The following CCNB3 variants were observed in gnomAD, a reference collection of about 807,000 sequenced individuals.
CCNB3 encodes G2/mitotic-specific cyclin-B3.
Under a neutral mutation model 68.0 loss-of-function variants are expected in CCNB3, and 12 were observed. The observed-to-expected ratio is 0.18, with a 90% CI of 0.11 to 0.29. CCNB3 has a LOEUF of 0.29. Among genes scored for constraint, CCNB3 ranks in the 10% least tolerant of loss-of-function variants. The pLI is 1.00. For synonymous variants in CCNB3, 354 were observed against 388.9 expected (o/e 0.91, Z 1.06); for missense variants, 904 against 993.1 (o/e 0.91, Z 1.21).
Position 50,309,836 on chromosome X carries a change from T to G in CCNB3, c.1667T>G (p.Ile556Ser), listed in dbSNP as rs1921312335. The G allele has an allele frequency of 2.5e-6, 3 of 1,209,968 alleles. No homozygotes were observed. In the African/African-American group the frequency reaches 5.2e-5, roughly 21 times the overall value. ...GAACTGTTGGACTTTCAGGATATGA[T>G]TGGTGAAGATAAGAATTCTTTCTTT... ...CPELLDFQDM[I>S]GEDKNSFFME... The change falls in exon 6 of 13, where the codon ATT (isoleucine) becomes AGT (serine). Residue 556 changes from isoleucine to serine, a missense_variant. By Grantham distance (142) the Ile-to-Ser change is moderately radical. Coordinates refer to ENST00000376042, the MANE Select transcript of CCNB3 (RefSeq NM_033031.3).
intron 8 of CCNB3, among the ~76,000 whole-genome samples, chrX:50,317,811 CCG>C (rs1420197363): frequency 5.4e-5 from 6 of 110,729 alleles, no homozygotes; most frequent in Non-Finnish European, 1.9e-5. Flanking sequence ...CTCAGGTGAT[CCG>C]CCTGCCTCAG....
intron 1 of CCNB3, among the ~76,000 whole-genome samples, chrX:50,226,264 A>ATATAGAATATATATATTTATATC (rs1935784329): frequency 1.5e-5 from 1 of 67,533 alleles, no homozygotes; most frequent in Non-Finnish European, 2.4e-5. Context: ...ATATTTATAT[A>ATATAGAATATATATATTTATATC]TATAGAATAT....
chrX:50,306,587 C>T (rs1187898043), intron 5 of CCNB3, among the ~76,000 whole-genome samples: 3 of 111,636 alleles, frequency 2.7e-5, no homozygotes, highest in African/African-American at 9.8e-5. Flanking sequence ...CCATCAAGTA[C>T]GATGTTTGCT....
chrX:50,308,905 G>A lies in CCNB3; in HGVS notation c.736G>A (p.Glu246Lys). 2 of 1,211,581 alleles carry A rather than the reference G, an allele frequency of 1.7e-6. No homozygotes were observed. The highest frequency in any genetic ancestry group is 3.5e-5 in the African/African-American group (2 of 57,799). The change falls in exon 6 of 13, where the codon GAA (glutamate) becomes AAA (lysine). Residue 246 changes from glutamate (E) to lysine (K), a missense_variant. Glu to Lys is a moderately conservative substitution (Grantham distance 56). Transcript: ENST00000376042. ...CASQRKQSCQ[E>K]ESLAVQDVNM... The stretch of plus-strand genomic sequence containing the variant: ...AAGTCAGCGGAAGCAGTCCTGCCAG[G>A]AAGAGTCGTTGGCTGTGCAGGATGT...
intron 5 of CCNB3, among the ~76,000 whole-genome samples, chrX:50,306,452 C>A (rs1439906852): frequency 9.0e-6 from 1 of 111,629 alleles, no homozygotes; most frequent in African/African-American, 3.3e-5. Context: ...AACTGGATGA[C>A]TTTTATTTAG....
intron 1 of CCNB3, among the ~76,000 whole-genome samples, chrX:50,205,890 G>T (rs1402218406): frequency 9.1e-6 from 1 of 109,490 alleles, no homozygotes; most frequent in Non-Finnish European, 1.9e-5. Flanking sequence ...AGAGGTTGTA[G>T]TGAGACGAGA....
chrX:50,343,432 G>A (rs1275668032), intron 9 of CCNB3, among the ~76,000 whole-genome samples: 1 of 111,955 alleles, frequency 8.9e-6, no homozygotes, highest in Non-Finnish European at 1.9e-5. Context: ...GCCGGGCATG[G>A]TATTTCAATG....
chrX:50,226,587 AATAT>A (rs1162411555), intron 1 of CCNB3, among the ~76,000 whole-genome samples: 1 of 63,211 alleles, frequency 1.6e-5, no homozygotes, highest in Non-Finnish European at 2.7e-5. Context: ...AATACATACA[AATAT>A]ATATATAGAA....
At chrX:50,305,648 A>G (rs975335938) in intron 5 of CCNB3, among the ~76,000 whole-genome samples, 1 of 110,427 alleles carries the variant, frequency 9.1e-6, no homozygotes, top group Admixed American at 9.7e-5. Flanking sequence ...TAAAACTTAA[A>G]GTATATTAAA....
At chrX:50,347,891 A>G (rs1010838521) in intron 11 of CCNB3, 116 bp downstream of exon 11, 23 of 713,754 alleles carry the variant, frequency 3.2e-5, no homozygotes, top group Non-Finnish European at 4.2e-5. Context: ...ACTGACACAT[A>G]TTCACCACTG....
intron 1 of CCNB3, among the ~76,000 whole-genome samples, chrX:50,216,018 G>A (rs1197294401): frequency 5.4e-5 from 5 of 92,204 alleles, no homozygotes; most frequent in African/African-American, 2.1e-4. Context: ...GTGCGGTCTC[G>A]GCTCACTGCA....
chrX:50,296,480 A>G lies in CCNB3; in HGVS notation c.335+1487A>G, dbSNP rs1173375014. Reference sequence around the variant, plus strand: ...AACTCATCATTTTTTATGGCTGCATAGTATTCCATGGTGTATATGTGCCAC... The same window carrying G: ...AACTCATCATTTTTTATGGCTGCATGGTATTCCATGGTGTATATGTGCCAC... On this transcript the variant is annotated intron_variant, in intron 5 of 12. Coordinates refer to ENST00000376042, the MANE Select transcript of CCNB3 (RefSeq NM_033031.3). Among the ~76,000 whole-genome samples the G allele has an allele frequency of 1.3e-3, 60 of 47,504 alleles. 1 individual carries two copies. The highest frequency in any genetic ancestry group is 3.9e-3 in the Admixed American group (13 of 3,346). 41.3% of individuals were successfully genotyped at this position (47,504 alleles called of 115,157 possible).
At chrX:50,226,872 GAATA>G (rs1935845509) in intron 1 of CCNB3, among the ~76,000 whole-genome samples, 1 of 70,776 alleles carries the variant, frequency 1.4e-5, no homozygotes, top group African/African-American at 5.9e-5. Context: ...AGAATATATA[GAATA>G]TATATAGAAT....
At chrX:50,311,890 C>A (rs1464438285) in intron 6 of CCNB3, among the ~76,000 whole-genome samples, 1 of 110,435 alleles carries the variant, frequency 9.1e-6, no homozygotes. Context: ...GTATTTATTC[C>A]AGTAATACCC....
chrX:50,286,614 T>A (rs1045474470), intron 3 of CCNB3, among the ~76,000 whole-genome samples: 1 of 78,529 alleles, frequency 1.3e-5, no homozygotes, highest in East Asian at 5.1e-4. Context: ...CTCAGTTCGG[T>A]TTTTTTTTTT....
intron 5 of CCNB3, among the ~76,000 whole-genome samples, chrX:50,308,027 G>A (rs181211178): frequency 2.1e-3 from 238 of 111,842 alleles, no homozygotes; most frequent in African/African-American, 6.6e-3. Flanking sequence ...CTCCTTAATA[G>A]TCCAGGGTGA....
intron 8 of CCNB3, among the ~76,000 whole-genome samples, chrX:50,322,102 C>A (rs911330228): frequency 2.2e-4 from 22 of 101,574 alleles, no homozygotes; most frequent in Non-Finnish European, 3.8e-4. Context: ...AAAAAAGAGC[C>A]CACATTGCCA....
At position 50,298,544 on chromosome X, in the gene CCNB3, T is replaced by C. The variant is rs184098802; in HGVS notation, c.335+3551T>C. 2.9e-4 allele frequency among the ~76,000 whole-genome samples: 32 copies of C among 112,117 alleles called. 1 individual carries two copies. The highest frequency in any genetic ancestry group is 4.6e-3 in the Middle Eastern group (1 of 219). On this transcript the variant is annotated intron_variant, in intron 5 of 12. Transcript: ENST00000376042. ...CTGGATTCCTTTTGCCAGTATTTTATTGAGGATTTTTGCATCGATGTTCAT... is the reference window on the plus strand; with the variant it reads ...CTGGATTCCTTTTGCCAGTATTTTACTGAGGATTTTTGCATCGATGTTCAT...
At chrX:50,345,569 TA>T (rs1338237794) in intron 9 of CCNB3, among the ~76,000 whole-genome samples, 2 of 111,077 alleles carry the variant, frequency 1.8e-5, no homozygotes, top group African/African-American at 6.6e-5. Flanking sequence ...CTTCCTTTTT[TA>T]CTCTGGGTAC....
Sources: gnomAD v4.1 joint callset for allele counts (sites outside exome capture counted in the v4.1 genomes callset) on GRCh38, gnomAD v4.1.1 for gene constraint, MANE v1.5 for transcripts, NCBI Gene and HGNC (gene_info 2026-07-23, HGNC 2026-07-21) for gene names.